Variants in ABR observed in about 807,000 individuals in gnomAD.
The protein encoded by ABR is active breakpoint cluster region-related protein.
A neutral mutation model predicts 107.2 loss-of-function variants in ABR; 35 were observed. The ratio of observed to expected loss-of-function variants is 0.33; its 90% CI spans 0.25 to 0.43. The LOEUF is 0.43. Among genes scored for constraint, ABR ranks in the 20% least tolerant of loss-of-function variants. The probability of loss-of-function intolerance (pLI) is 1.00; values close to 1 mark genes in which losing one functional copy is unlikely to be tolerated. For synonymous variants in ABR, 498 were observed against 462.0 expected (o/e 1.08, Z -1.00); for missense variants, 815 against 1,115.2 (o/e 0.73, Z 3.83).
rs569686463 is a variant in ABR at position 1,210,973 on chromosome 17, G to A, written c.838+17820C>T. Among the ~76,000 whole-genome samples the A allele has an allele frequency of 3.6e-4, 55 of 152,232 alleles. No homozygotes were observed. The highest frequency in any genetic ancestry group is 9.1e-4 in the African/African-American group (38 of 41,560). Reference sequence around the variant, plus strand: ...TGGACTGGCTGCTGAAAAATCTCCCGAGCTTGTTAAAAACAGAGATTCCTG... The same window carrying A: ...TGGACTGGCTGCTGAAAAATCTCCCAAGCTTGTTAAAAACAGAGATTCCTG... On this transcript the variant is annotated intron_variant, in intron 1 of 22. Coordinates refer to the ABR transcript ENST00000574139. The surrounding 1 kb of genome is among the most constrained non-coding windows in gnomAD (Gnocchi z 5.6).
chr17:1,216,793 A>T (rs897217471), intron 1 of ABR, among the ~76,000 whole-genome samples: 2 of 152,170 alleles, frequency 1.3e-5, no homozygotes, highest in Non-Finnish European at 2.9e-5. Flanking sequence ...TCAGTGAACA[A>T]CAGCTCCTTC....
chr17:1,071,142 C>T lies in ABR; in HGVS notation c.895-1052G>A, dbSNP rs147585589. 3.3e-5 allele frequency among the ~76,000 whole-genome samples: 5 copies of T among 152,160 alleles called. No individual in the cohort carries two copies. Among genetic ancestry groups the T allele is most frequent in the South Asian group, 2.1e-4 (1 of 4,818 alleles). ...TCACGCCATTGCACTCCAGCCTGGA[C>T]GATGGAATGAGATTCAGTCTCAAAA... On this transcript the variant is annotated intron_variant, in intron 8 of 22. Transcript: ENST00000302538. This position sits in a 1 kb window ranked among gnomAD's most constrained non-coding sequence, Gnocchi z 5.1.
At chr17:1,077,398 G>C (rs550946271) in intron 6 of ABR, among the ~76,000 whole-genome samples, 54 of 152,326 alleles carry the variant, frequency 3.5e-4, no homozygotes, top group Non-Finnish European at 6.8e-4. Flanking sequence ...GGGAGAGGAA[G>C]CCAAGGGTAC....
At chr17:1,175,138 G>A (rs1416765891) in intron 1 of ABR, among the ~76,000 whole-genome samples, 9 of 152,252 alleles carry the variant, frequency 5.9e-5, no homozygotes, top group African/African-American at 1.7e-4. Flanking sequence ...ATGGCCGGGC[G>A]CAGGGGCTCA....
intron 1 of ABR, among the ~76,000 whole-genome samples, chr17:1,205,261 T>C (rs2042768218): frequency 6.6e-6 from 1 of 152,200 alleles, no homozygotes; most frequent in South Asian, 2.1e-4. Flanking sequence ...TTACCCAATA[T>C]TCTTAAGCCT....
intron 1 of ABR, among the ~76,000 whole-genome samples, chr17:1,127,968 C>A (rs906893597): frequency 2.0e-5 from 3 of 152,184 alleles, no homozygotes; most frequent in Non-Finnish European, 4.4e-5. Flanking sequence ...AGGATCAGAA[C>A]CCAGGTCTCA....
intron 1 of ABR, among the ~76,000 whole-genome samples, chr17:1,214,139 G>A (rs988583493): frequency 6.6e-6 from 1 of 151,106 alleles, no homozygotes; most frequent in African/African-American, 2.4e-5. Context: ...CCCGCCTCGG[G>A]CTCCCAAAGT....
intron 1 of ABR, chr17:1,185,043 G>A (rs903959864): frequency 1.3e-5 from 2 of 152,140 alleles, no homozygotes; most frequent in African/African-American, 4.8e-5. Context: ...TCTCTGCATT[G>A]AGCGGCAATT....
At chr17:1,096,898 A>C in intron 3 of ABR, among the ~76,000 whole-genome samples, 1 of 101,094 alleles carries the variant, frequency 9.9e-6, no homozygotes, top group Admixed American at 1.1e-4. Context: ...CAGCTGGGGA[A>C]GGGGGGAAAC....
intron 16 of ABR, among the ~76,000 whole-genome samples, chr17:1,046,329 G>C (rs1215407914): frequency 1.4e-5 from 2 of 139,800 alleles, no homozygotes; most frequent in Non-Finnish European, 1.6e-5. Flanking sequence ...GTAGAAACAG[G>C]GTTTCGCCAT....
intron 18 of ABR, 161 bp from the exon 19 acceptor site, chr17:1,012,146 A>C (rs779582417): frequency 3.4e-6 from 4 of 1,177,660 alleles, no homozygotes; most frequent in Non-Finnish European, 4.9e-6. Flanking sequence ...ACCGCACCCC[A>C]CCCCAGCCAG....
In ABR at chr17:1,171,911, C is replaced by T. The variant is rs138194914; in HGVS notation, c.61+7756G>A. On this transcript the variant is annotated intron_variant, in intron 1 of 22. Transcript: ENST00000302538. ...CACCACTGCACTCCAGCCTGGGCAA[C>T]GAGAGTGAAAATCTGTCTCAAAAAA... 4.5e-3 allele frequency among the ~76,000 whole-genome samples: 682 copies of T among 152,232 alleles called. 2 individuals carry two copies. Among genetic ancestry groups the T allele is most frequent in the African/African-American group, 0.015 (626 of 41,536 alleles).
chr17:1,213,431 C>T (rs1387317877), intron 1 of ABR, among the ~76,000 whole-genome samples: 2 of 152,210 alleles, frequency 1.3e-5, no homozygotes, highest in African/African-American at 4.8e-5. Flanking sequence ...GCTCTGTCCC[C>T]CAGGCTGGAG....
At chr17:1,024,978 G>C (rs542190645) in intron 16 of ABR, among the ~76,000 whole-genome samples, 1 of 149,982 alleles carries the variant, frequency 6.7e-6, no homozygotes, top group Admixed American at 6.7e-5. Context: ...AAAATTAGCT[G>C]GGCGAGGTGG....
intron 4 of ABR, among the ~76,000 whole-genome samples, chr17:1,085,139 G>T (rs1179368909): frequency 8.4e-6 from 1 of 118,632 alleles, no homozygotes; most frequent in Non-Finnish European, 1.7e-5. Flanking sequence ...TTGAGATGGA[G>T]TCTCGCTCTG....
intron 1 of ABR, among the ~76,000 whole-genome samples, chr17:1,163,073 A>G (rs1004296534): frequency 2.6e-5 from 4 of 152,196 alleles, no homozygotes; most frequent in African/African-American, 9.7e-5. Flanking sequence ...CTCAATCTCA[A>G]AAAAAAGAAC....
At chr17:1,012,024 A>G in intron 18 of ABR, 39 bp from the exon 19 acceptor site, 1 of 1,608,376 alleles carries the variant, frequency 6.2e-7, no homozygotes, top group Non-Finnish European at 8.5e-7. Context: ...GGCAGCCCCC[A>G]CGACAGCTCT....
chr17:1,137,569 A>T (rs1247040165), intron 1 of ABR, among the ~76,000 whole-genome samples: 1 of 152,230 alleles, frequency 6.6e-6, no homozygotes, highest in Non-Finnish European at 1.5e-5. Flanking sequence ...CAAAACAATG[A>T]CAATGCTAAC....
chr17:1,212,446 AC>A (rs1349965057), intron 1 of ABR, among the ~76,000 whole-genome samples: 4 of 151,794 alleles, frequency 2.6e-5, no homozygotes, highest in African/African-American at 7.3e-5. Flanking sequence ...AGAAAAAAAA[AC>A]AACAACAAAA....
Sources: gnomAD v4.1 joint callset for allele counts (sites outside exome capture counted in the v4.1 genomes callset) on GRCh38, gnomAD v4.1.1 for gene constraint, Gnocchi (gnomAD v3.1) non-coding constraint, MANE v1.5 for transcripts, NCBI Gene and HGNC (gene_info 2026-07-23, HGNC 2026-07-21) for gene names.